The following STIMATE variants were observed in gnomAD, a reference collection of about 807,000 sequenced individuals.
The protein encoded by STIMATE is store-operated calcium entry regulator STIMATE.
A neutral mutation model predicts 36.7 loss-of-function variants in STIMATE; 15 were observed. The observed-to-expected ratio is 0.41, with a 90% confidence interval of 0.27 to 0.63. STIMATE has a LOEUF of 0.63. Ranked by LOEUF, STIMATE falls within the 20% of genes least tolerant of loss-of-function variation. The probability of loss-of-function intolerance (pLI) is 0.32; values close to 1 mark genes in which losing one functional copy is unlikely to be tolerated. For synonymous variants in STIMATE, 163 were observed against 162.3 expected, an observed-to-expected ratio of 1.00 and a Z score of -0.03; for missense variants, 305 against 397.3, an observed-to-expected ratio of 0.77 and a Z score of 1.98.
chr3:52,852,783 A>C (rs1701028598), intron 2 of STIMATE, 85 bp from the exon 3 acceptor site: 18 of 1,533,076 alleles, frequency 1.2e-5, no homozygotes, highest in Non-Finnish European at 1.6e-5. Context: ...TGAAACAGGA[A>C]GAAAGCCACC....
In STIMATE at chr3:52,836,773, T is replaced by C. The variant is rs923747621; in HGVS notation, c.*3721A>G. On this transcript the variant is annotated 3_prime_UTR_variant, in exon 8 of 8. Coordinates refer to ENST00000355083, the MANE Select transcript of STIMATE (RefSeq NM_198563.5). ...AACTGTAATAAGATGCCAAACTTTA[T>C]TGTAAACCATTTTACAATGTAAGTA... 24 of 346,564 alleles carry C rather than the reference T, an allele frequency of 6.9e-5. No homozygotes were observed. The highest frequency in any genetic ancestry group is 4.9e-4 in the African/African-American group (23 of 46,756). The allele number at this position is 346,564 out of a possible 1,614,324, so 21.5% of individuals were successfully genotyped here.
chr3:52,889,340 T>C (rs530732136), intron 1 of STIMATE, among the ~76,000 whole-genome samples: 1 of 152,360 alleles, frequency 6.6e-6, no homozygotes, highest in African/African-American at 2.4e-5. Context: ...GCTGGCGATC[T>C]GTGCCCACAC....
intron 1 of STIMATE, among the ~76,000 whole-genome samples, chr3:52,888,421 A>C (rs1701728764): frequency 6.6e-6 from 1 of 152,192 alleles, no homozygotes; most frequent in South Asian, 2.1e-4. Context: ...CCACCTGCAG[A>C]TATTTTTGCC....
At chr3:52,871,122 G>A (rs1189561959) in intron 1 of STIMATE, among the ~76,000 whole-genome samples, 1 of 152,148 alleles carries the variant, frequency 6.6e-6, no homozygotes, top group Non-Finnish European at 1.5e-5. Flanking sequence ...ATGGGATAGT[G>A]ACTCGTGATA....
At chr3:52,880,318 C>A (rs1701581768) in intron 1 of STIMATE, among the ~76,000 whole-genome samples, 1 of 152,188 alleles carries the variant, frequency 6.6e-6, no homozygotes, top group African/African-American at 2.4e-5. Flanking sequence ...ACAAGAGGGA[C>A]CAGATGTGGG....
At chr3:52,846,679 A>T (rs1700909851) in intron 4 of STIMATE, 1 of 152,226 alleles carries the variant, frequency 6.6e-6, no homozygotes, top group Non-Finnish European at 1.5e-5. Context: ...TGCTAAAATA[A>T]GAAAGTTCAG....
chr3:52,893,568 C>G (rs1023938717), intron 1 of STIMATE, among the ~76,000 whole-genome samples: 1 of 152,134 alleles, frequency 6.6e-6, no homozygotes, highest in Non-Finnish European at 1.5e-5. Flanking sequence ...CCTGTTCACA[C>G]AGAGCACACA....
intron 3 of STIMATE, 30 bp from the exon 4 acceptor site, chr3:52,849,943 G>C (rs368299103): frequency 1.0e-5 from 16 of 1,603,896 alleles, no homozygotes; most frequent in African/African-American, 9.4e-5. Flanking sequence ...GCATGGTCAC[G>C]GCAGAAGCCA....
chr3:52,884,058 G>A (rs1227565492), intron 1 of STIMATE, among the ~76,000 whole-genome samples: 1 of 152,086 alleles, frequency 6.6e-6, no homozygotes, highest in African/African-American at 2.4e-5. Context: ...GGCAAGCAGT[G>A]AACTCTGTAG....
At chr3:52,846,776 G>A (rs1700913784) in intron 4 of STIMATE, among the ~76,000 whole-genome samples, 1 of 152,212 alleles carries the variant, frequency 6.6e-6, no homozygotes, top group Non-Finnish European at 1.5e-5. Flanking sequence ...GCCACCGTTG[G>A]GAGAAGCACA....
chr3:52,878,246 T>G (rs1296102000), intron 1 of STIMATE, among the ~76,000 whole-genome samples: 2 of 151,512 alleles, frequency 1.3e-5, no homozygotes, highest in East Asian at 3.8e-4. Flanking sequence ...CGCAGTCTGA[T>G]GCTAGACACC....
intron 1 of STIMATE, among the ~76,000 whole-genome samples, chr3:52,858,743 G>A (rs143928167): frequency 6.6e-6 from 1 of 152,310 alleles, no homozygotes; most frequent in Non-Finnish European, 1.5e-5. Context: ...TTGCAGGTGT[G>A]TCAGGATGTA....
intron 7 of STIMATE, 125 bp downstream of exon 7, chr3:52,842,686 C>T: frequency 6.5e-7 from 1 of 1,531,794 alleles, no homozygotes; most frequent in Non-Finnish European, 8.8e-7. Flanking sequence ...AGCCTCTTCT[C>T]CTGCCCTCTG....
chr3:52,870,032 G>A (rs1305228053), intron 1 of STIMATE, among the ~76,000 whole-genome samples: 1 of 152,208 alleles, frequency 6.6e-6, no homozygotes, highest in Non-Finnish European at 1.5e-5. Context: ...ACTGCTGGAG[G>A]AAGAGTAAAT....
At chr3:52,857,156 T>C (rs1701114119) in intron 1 of STIMATE, among the ~76,000 whole-genome samples, 1 of 152,200 alleles carries the variant, frequency 6.6e-6, no homozygotes, top group Non-Finnish European at 1.5e-5. Flanking sequence ...ACAAAGGCAG[T>C]CTGCATTTGC....
In STIMATE at chr3:52,840,239, C is replaced by T. The variant is rs574161686; in HGVS notation, c.*255G>A. 3.3e-5 allele frequency: 11 copies of T among 336,698 alleles called. No individual in the cohort carries two copies. In the South Asian group the frequency reaches 6.4e-4, roughly 20 times the overall value. 20.9% of individuals were successfully genotyped at this position (336,698 alleles called of 1,614,324 possible). A position where few individuals can be genotyped will look rare whatever the true frequency, so the allele number is the denominator to read the frequency against. ...CGACAACAAACAAACACAGCTCCTT[C>T]CTTGCATATTTGGTCAGTGTTTGTA... On this transcript the variant is annotated 3_prime_UTR_variant, in exon 8 of 8. Coordinates refer to ENST00000355083, the MANE Select transcript of STIMATE (RefSeq NM_198563.5).
At chr3:52,869,342 A>G (rs1395997682) in intron 1 of STIMATE, among the ~76,000 whole-genome samples, 3 of 152,236 alleles carry the variant, frequency 2.0e-5, no homozygotes, top group Non-Finnish European at 2.9e-5. Context: ...ATCAGAGGAC[A>G]TAATACAGGC....
intron 4 of STIMATE, among the ~76,000 whole-genome samples, chr3:52,848,881 GA>G (rs143260077): frequency 6.6e-6 from 1 of 152,308 alleles, no homozygotes; most frequent in East Asian, 1.9e-4. Context: ...ACGGGGCTAA[GA>G]AAAGCCCTGC....
At chr3:52,894,122 AGCCCCCT>A (rs1701826242) in intron 1 of STIMATE, among the ~76,000 whole-genome samples, 1 of 152,248 alleles carries the variant, frequency 6.6e-6, no homozygotes, top group Non-Finnish European at 1.5e-5. Flanking sequence ...TGCTTGGCAA[AGCCCCCT>A]CGTTTAAAGC....
Sources: allele counts gnomAD v4.1 joint callset (sites outside exome capture counted in the v4.1 genomes callset), GRCh38; gene constraint gnomAD v4.1.1; transcripts MANE v1.5; gene names NCBI Gene and HGNC (gene_info 2026-07-23, HGNC 2026-07-21).